CTNNA2: variants seen among roughly 807,000 people sequenced by gnomAD.
CTNNA2 encodes catenin alpha 2.
In CTNNA2, 42 loss-of-function variants were observed where a neutral mutation model predicts 101.0. The observed-to-expected ratio is 0.42, with a 90% CI of 0.32 to 0.54. The LOEUF is 0.54. Among genes scored for constraint, CTNNA2 ranks in the 20% least tolerant of loss-of-function variants. The pLI, the probability that CTNNA2 is intolerant of heterozygous loss-of-function variation, is 0.14. For missense variants in CTNNA2, 871 were observed against 1,223.1 expected (o/e 0.71, Z 4.29); for synonymous variants, 450 against 456.4 (o/e 0.99, Z 0.18).
At chr2:80,050,775 A>G (rs1478068406) in intron 7 of CTNNA2, among the ~76,000 whole-genome samples, 1 of 152,204 alleles carries the variant, frequency 6.6e-6, no homozygotes, top group Non-Finnish European at 1.5e-5. Flanking sequence ...ATCACGGCTC[A>G]CTGCAGCGTC....
intron 3 of CTNNA2, among the ~76,000 whole-genome samples, chr2:79,788,293 A>G (rs1675007508): frequency 6.6e-6 from 1 of 152,158 alleles, no homozygotes; most frequent in South Asian, 2.1e-4. Flanking sequence ...AATAATGGCA[A>G]TGGAATTGGA....
chr2:79,625,045 T>C (rs964333004), intron 1 of CTNNA2, among the ~76,000 whole-genome samples: 6 of 152,116 alleles, frequency 3.9e-5, no homozygotes, highest in African/African-American at 1.2e-4. Context: ...ACAAAAGACA[T>C]AGAAACCAAG....
At chr2:80,198,616 T>C (rs1209617681) in intron 7 of CTNNA2, among the ~76,000 whole-genome samples, 2 of 152,156 alleles carry the variant, frequency 1.3e-5, no homozygotes, top group Non-Finnish European at 2.9e-5. Flanking sequence ...ACCAATCAAA[T>C]TAGAATCAAA....
chr2:79,967,446 A>G (rs1243496090), intron 7 of CTNNA2, among the ~76,000 whole-genome samples: 3 of 152,190 alleles, frequency 2.0e-5, no homozygotes, highest in Non-Finnish European at 4.4e-5. Context: ...AACTAATGCA[A>G]GGGATTCTAA....
chr2:79,705,080 G>C (rs1384833533), intron 2 of CTNNA2, among the ~76,000 whole-genome samples: 1 of 152,086 alleles, frequency 6.6e-6, no homozygotes, highest in Admixed American at 6.5e-5. Flanking sequence ...CATCTAGTGG[G>C]TCGAATCCAA....
At chr2:79,856,502 A>C (rs1681146115) in intron 3 of CTNNA2, among the ~76,000 whole-genome samples, 1 of 152,182 alleles carries the variant, frequency 6.6e-6, no homozygotes, top group Non-Finnish European at 1.5e-5. Context: ...CTTGAGTTAA[A>C]AAATCTGTCA....
At chr2:80,225,435 C>A (rs1708826790) in intron 7 of CTNNA2, among the ~76,000 whole-genome samples, 1 of 152,004 alleles carries the variant, frequency 6.6e-6, no homozygotes, top group South Asian at 2.1e-4. Flanking sequence ...TTGTTCCTGG[C>A]TGCAAATCAT....
intron 4 of CTNNA2, among the ~76,000 whole-genome samples, chr2:79,426,093 A>G (rs562919214): frequency 6.6e-6 from 1 of 152,298 alleles, no homozygotes; most frequent in South Asian, 2.1e-4. Context: ...AGTGTAAACA[A>G]ATGTATCCAA....
At chr2:79,433,624 G>GAA (rs200656588) in intron 4 of CTNNA2, among the ~76,000 whole-genome samples, 37 of 95,670 alleles carry the variant, frequency 3.9e-4, no homozygotes, top group East Asian at 9.2e-4. Flanking sequence ...TGCCTTTGAG[G>GAA]AAAAAAAAAA....
chr2:80,615,025 ACTGAAGT>A (rs1698739788), intron 17 of CTNNA2, among the ~76,000 whole-genome samples: 1 of 151,338 alleles, frequency 6.6e-6, no homozygotes, highest in Non-Finnish European at 1.5e-5. Flanking sequence ...GAATTCCTGG[ACTGAAGT>A]CTGTTGAAGA....
At chr2:79,727,479 C>T (rs576243763) in intron 2 of CTNNA2, among the ~76,000 whole-genome samples, 18 of 152,156 alleles carry the variant, frequency 1.2e-4, no homozygotes, top group Admixed American at 4.6e-4. Flanking sequence ...TTAATTTTGA[C>T]GTAAAAATTC....
intron 9 of CTNNA2, among the ~76,000 whole-genome samples, chr2:80,420,991 C>A (rs1355971499): frequency 1.3e-5 from 2 of 152,154 alleles, no homozygotes; most frequent in Non-Finnish European, 2.9e-5. Context: ...CTTCTATCAC[C>A]CTTCACATTC....
chr2:79,734,177 A>G (rs1014038858), intron 2 of CTNNA2, among the ~76,000 whole-genome samples: 2 of 152,156 alleles, frequency 1.3e-5, no homozygotes, highest in Admixed American at 1.3e-4. Context: ...CTTCTTACCC[A>G]TTTAAAATCC....
At chr2:79,931,008 A>G (rs960909593) in intron 7 of CTNNA2, among the ~76,000 whole-genome samples, 1 of 151,912 alleles carries the variant, frequency 6.6e-6, no homozygotes. Flanking sequence ...AACTGTAAAA[A>G]TAATATATGA....
intron 1 of CTNNA2, among the ~76,000 whole-genome samples, chr2:79,569,159 A>G (rs1445543860): frequency 1.3e-5 from 2 of 152,302 alleles, no homozygotes; most frequent in South Asian, 4.1e-4. Flanking sequence ...AGAAAACACT[A>G]TTATTGCTTC....
At chr2:80,214,419 A>T (rs2149042093) in intron 7 of CTNNA2, among the ~76,000 whole-genome samples, 1 of 152,188 alleles carries the variant, frequency 6.6e-6, no homozygotes. Context: ...TGGTGACAAA[A>T]TCTCTCAGCA....
intron 7 of CTNNA2, among the ~76,000 whole-genome samples, chr2:79,996,469 G>C (rs1692553898): frequency 6.6e-6 from 1 of 152,196 alleles, no homozygotes; most frequent in East Asian, 1.9e-4. Context: ...GAAAAAAGAA[G>C]ATATGGGTTA....
intron 7 of CTNNA2, among the ~76,000 whole-genome samples, chr2:80,124,105 G>T (rs1423478753): frequency 6.6e-6 from 1 of 152,020 alleles, no homozygotes; most frequent in Non-Finnish European, 1.5e-5. Flanking sequence ...TATAGTTTTG[G>T]CTTAGAACCA....
chr2:80,025,185 T>A (rs1694855837), intron 7 of CTNNA2, among the ~76,000 whole-genome samples: 1 of 152,042 alleles, frequency 6.6e-6, no homozygotes, highest in Non-Finnish European at 1.5e-5. Flanking sequence ...ACAGGGTGGG[T>A]AGCGGGATGG....
Sources: allele counts gnomAD v4.1 joint callset (sites outside exome capture counted in the v4.1 genomes callset), GRCh38; gene constraint gnomAD v4.1.1; transcripts MANE v1.5; gene names NCBI Gene and HGNC (gene_info 2026-07-23, HGNC 2026-07-21).